The following ASNS variants were observed in gnomAD, a reference collection of about 807,000 sequenced individuals.
The protein encoded by ASNS is asparagine synthetase (glutamine-hydrolyzing).
In ASNS, 37 loss-of-function variants were observed where a neutral mutation model predicts 62.6. The observed-to-expected ratio is 0.59, with a 90% CI of 0.45 to 0.78. The LOEUF (loss-of-function observed/expected upper bound fraction) is 0.78. ASNS is among the 30% of genes least tolerant of loss of function. The pLI, the probability that ASNS is intolerant of heterozygous loss-of-function variation, is 0.00. For synonymous variants in ASNS, 207 were observed against 237.9 expected, an observed-to-expected ratio of 0.87 and a Z score of 1.19; for missense variants, 520 against 682.4, an observed-to-expected ratio of 0.76 and a Z score of 2.65.
the ASNS span, among the ~76,000 whole-genome samples, chr7:97,889,256 C>T: frequency 2.0e-5 from 3 of 152,172 alleles, no homozygotes; most frequent in Non-Finnish European, 2.9e-5. Flanking sequence ...TGGTGGCTCA[C>T]GCCTGTAATC....
At chr7:97,899,720 A>C in the ASNS span, among the ~76,000 whole-genome samples, 1 of 152,216 alleles carries the variant, frequency 6.6e-6, no homozygotes, top group South Asian at 2.1e-4. Flanking sequence ...TTGAAGGTTC[A>C]TCCACGCTGT....
At chr7:97,885,582 C>T in the ASNS span, among the ~76,000 whole-genome samples, 6 of 152,208 alleles carry the variant, frequency 3.9e-5, no homozygotes, top group Non-Finnish European at 8.8e-5. Context: ...GGGTCACCCT[C>T]AACTTAAGGC....
chr7:97,883,879 T>G, the ASNS span, among the ~76,000 whole-genome samples: 8 of 151,332 alleles, frequency 5.3e-5, no homozygotes, highest in Non-Finnish European at 1.2e-4. Context: ...TCGCAGCTAC[T>G]TGGGAGACTG....
chr7:97,865,018 T>C (rs1319959626), intron 3 of ASNS, among the ~76,000 whole-genome samples: 1 of 152,218 alleles, frequency 6.6e-6, no homozygotes, highest in Non-Finnish European at 1.5e-5. Flanking sequence ...AATAATTTTG[T>C]GCATGAAACA....
chr7:97,928,038 C>G, the ASNS span: 1 of 1,225,414 alleles, frequency 8.2e-7, no homozygotes, highest in Middle Eastern at 2.7e-4. Context: ...CCCAGCACCC[C>G]CGCGCTCCCG....
At chr7:97,863,544 GC>G (rs1791821211) in intron 4 of ASNS, 1 of 152,448 alleles carries the variant, frequency 6.6e-6, no homozygotes, top group Non-Finnish European at 1.5e-5. Context: ...TGTGGTGCAT[GC>G]CTATACTCCT....
chr7:97,904,934 A>G, the ASNS span, among the ~76,000 whole-genome samples: 18 of 152,112 alleles, frequency 1.2e-4, no homozygotes, highest in Non-Finnish European at 2.5e-4. Flanking sequence ...CACTGCTCTA[A>G]TCAGATGATG....
chr7:97,883,716 G>A, the ASNS span, among the ~76,000 whole-genome samples: 1 of 152,096 alleles, frequency 6.6e-6, no homozygotes, highest in Non-Finnish European at 1.5e-5. Context: ...GGCCGGGCGC[G>A]GTGGCTCACG....
upstream of ASNS, among the ~76,000 whole-genome samples, chr7:97,874,115 C>A (rs1792386020): frequency 6.6e-6 from 1 of 152,150 alleles, no homozygotes; most frequent in South Asian, 2.1e-4. Flanking sequence ...CCATAAGAGA[C>A]AGGTACGCCC....
At chr7:97,878,468 T>C in the ASNS span, among the ~76,000 whole-genome samples, 2 of 152,120 alleles carry the variant, frequency 1.3e-5, no homozygotes, top group African/African-American at 2.4e-5. Context: ...TAAAAATCAA[T>C]GCGCAAACAT....
chr7:97,889,927 CAAAAAAA>C, the ASNS span, among the ~76,000 whole-genome samples: 68 of 38,568 alleles, frequency 1.8e-3, 1 homozygote, highest in Middle Eastern at 0.042. Flanking sequence ...ATAATGAATA[CAAAAAAA>C]AAAAAAAAAA....
At chr7:97,863,851 G>A (rs1267146798) in intron 4 of ASNS, 1 of 168,104 alleles carries the variant, frequency 5.9e-6, no homozygotes, top group Admixed American at 5.6e-5. Flanking sequence ...CTTCAAGTGG[G>A]TGAATTACAT....
chr7:97,924,656 G>C, the ASNS span, among the ~76,000 whole-genome samples: 1 of 152,192 alleles, frequency 6.6e-6, no homozygotes, highest in Non-Finnish European at 1.5e-5. Flanking sequence ...GAGAACCAGG[G>C]GGATGTGGTG....
At chr7:97,894,052 T>C in the ASNS span, among the ~76,000 whole-genome samples, 11 of 151,652 alleles carry the variant, frequency 7.3e-5, no homozygotes, top group African/African-American at 2.7e-4. Flanking sequence ...GGAATAAAAC[T>C]TGAAATCAAT....
the ASNS span, among the ~76,000 whole-genome samples, chr7:97,889,927 C>CAAAAAAAAAAAAAAAAAAAAAAAAAAA: frequency 7.8e-5 from 3 of 38,558 alleles, no homozygotes; most frequent in African/African-American, 2.2e-4. Flanking sequence ...ATAATGAATA[C>CAAAAAAAAAAAAAAAAAAAAAAAAAAA]AAAAAAAAAA....
the ASNS span, among the ~76,000 whole-genome samples, chr7:97,892,459 G>C: frequency 6.6e-6 from 1 of 152,024 alleles, no homozygotes; most frequent in Admixed American, 6.5e-5. Context: ...TGAGAAAATG[G>C]GATTTTCTTT....
chr7:97,869,565 A>G (rs1792152094), intron 2 of ASNS, among the ~76,000 whole-genome samples: 1 of 152,202 alleles, frequency 6.6e-6, no homozygotes, highest in Admixed American at 6.5e-5. Flanking sequence ...CAGAGATCCT[A>G]GCCCCACTCT....
chr7:97,867,988 C>T (rs1792055473), intron 3 of ASNS, among the ~76,000 whole-genome samples: 1 of 152,146 alleles, frequency 6.6e-6, no homozygotes, highest in Non-Finnish European at 1.5e-5. Context: ...AACATACCAA[C>T]CAAATGCATG....
Position 97,869,168 on chromosome 7 carries a change from G to A in ASNS, c.-12C>T, listed in dbSNP as rs1792128756. The stretch of plus-strand genomic sequence containing the variant: ...CAAATGCCACACATGGTGCAATGAA[G>A]CTATAAGCTTTCTATGGAGAGAAAA... On this transcript the variant is annotated 5_prime_UTR_variant, in exon 3 of 13. Transcript: ENST00000394308. 9 of 1,611,104 alleles carry A rather than the reference G, an allele frequency of 5.6e-6. No individual in the cohort carries two copies. The Admixed American group carries it at 1.2e-4, about 21-fold the overall frequency.
Sources: gnomAD v4.1 joint callset for allele counts (sites outside exome capture counted in the v4.1 genomes callset) on GRCh38, gnomAD v4.1.1 for gene constraint, MANE v1.5 for transcripts, NCBI Gene and HGNC (gene_info 2026-07-23, HGNC 2026-07-21) for gene names.